PCDHA7: variants seen among roughly 807,000 people sequenced by gnomAD.
The protein encoded by PCDHA7 is protocadherin alpha 7, also known as protocadherin alpha-7.
In PCDHA7, 37 loss-of-function variants were observed where a neutral mutation model predicts 57.2. The observed-to-expected ratio is 0.65, with a 90% CI of 0.50 to 0.85. The LOEUF is 0.85. PCDHA7 is among the 40% of genes least tolerant of loss of function. PCDHA7 has a pLI of 0.00. For synonymous variants in PCDHA7, 553 were observed against 558.8 expected, an observed-to-expected ratio of 0.99 and a Z score of 0.15; for missense variants, 1,188 against 1,241.8, an observed-to-expected ratio of 0.96 and a Z score of 0.65.
chr5:140,943,581 G>A (rs1022140100), intron 1 of PCDHA7, among the ~76,000 whole-genome samples: 1 of 152,168 alleles, frequency 6.6e-6, no homozygotes, highest in Non-Finnish European at 1.5e-5. Flanking sequence ...GTTGATCTGA[G>A]TGGGGCTGAA....
chr5:140,876,732 C>T, intron 1 of PCDHA7: 1 of 1,614,246 alleles, frequency 6.2e-7, no homozygotes, highest in South Asian at 1.1e-5. Context: ...GCGTGTCGGC[C>T]TATGAGCTGG....
intron 1 of PCDHA7, among the ~76,000 whole-genome samples, chr5:140,890,392 T>C (rs2062624449): frequency 6.6e-6 from 1 of 152,212 alleles, no homozygotes; most frequent in Admixed American, 6.5e-5. Flanking sequence ...TTAGATAATC[T>C]ATAAATTTTA....
At position 140,836,493 on chromosome 5, in the gene PCDHA7, A is replaced by G; in HGVS notation, c.2110A>G (p.Ile704Val). The G allele has an allele frequency of 6.2e-7, 1 of 1,613,850 alleles. No individual in the cohort carries two copies. The highest frequency in any genetic ancestry group is 8.5e-7 in the Non-Finnish European group (1 of 1,179,860). ...TGTCAACGTGTACCTGATCATCGCC[A>G]TCTGCGCGGTGTCCAGTCTGTTGGT... ...VDVNVYLIIA[I>V]CAVSSLLVLT... Residue 704 changes from isoleucine to valine, a missense_variant, in exon 1 of 4, where the codon ATC becomes GTC. Around this residue, in one of 3 missense-constraint regions of PCDHA7, gnomAD observed 892 missense variants for 788.5 expected, o/e 1.13. Transcript: ENST00000525929.
intron 1 of PCDHA7, among the ~76,000 whole-genome samples, chr5:140,902,664 A>G (rs2069638514): frequency 6.6e-6 from 1 of 152,128 alleles, no homozygotes. Context: ...CTGTCACCCA[A>G]GCAGTGTACA....
At chr5:140,857,560 G>T in intron 1 of PCDHA7, 1 of 1,596,914 alleles carries the variant, frequency 6.3e-7, no homozygotes, top group Non-Finnish European at 8.6e-7. Flanking sequence ...GCTCGCTGTC[G>T]AGCTACGTGT....
At chr5:140,941,317 CTCT>C (rs2093029316) in intron 1 of PCDHA7, among the ~76,000 whole-genome samples, 2 of 99,150 alleles carry the variant, frequency 2.0e-5, no homozygotes, top group Non-Finnish European at 4.2e-5. Flanking sequence ...TTTCTTCTTT[CTCT>C]TTTTTTTTTT....
rs1554168215 is a variant in PCDHA7, at chr5:140,876,039, T to A, written c.2355+39301T>A. 3 of 1,613,746 alleles carry A rather than the reference T, an allele frequency of 1.9e-6. No individual in the cohort carries two copies. Among genetic ancestry groups the A allele is most frequent in the South Asian group, 2.2e-5 (2 of 91,062 alleles). On this transcript the variant is annotated intron_variant, in intron 1 of 3. Transcript: ENST00000525929. ...AAATAAAAACAAAAAAAGATAAAAG[T>A]ATATTGCCTGAATTAGTTCTTCGGA...
Position 140,890,802 on chromosome 5 carries a change from A to G in PCDHA7, c.2355+54064A>G, listed in dbSNP as rs1401387956. On this transcript the variant is annotated intron_variant, in intron 1 of 3. Transcript: ENST00000525929. The stretch of plus-strand genomic sequence containing the variant: ...TAAGATATTAGTATTATTTTATACA[A>G]TCAACATTGTTTTAAATGTACTTAC... 5.3e-5 allele frequency among the ~76,000 whole-genome samples: 8 copies of G among 152,310 alleles called. 1 individual carries two copies. Among genetic ancestry groups the G allele is most frequent in the Admixed American group, 4.6e-4 (7 of 15,296 alleles).
At chr5:140,859,573 C>T (rs1254151950) in intron 1 of PCDHA7, 4 of 174,136 alleles carry the variant, frequency 2.3e-5, no homozygotes, top group African/African-American at 9.5e-5. Flanking sequence ...ATGAATTTGT[C>T]ATCTTGCCTA....
chr5:140,967,503 G>A (rs369053625), intron 1 of PCDHA7: 14 of 1,612,820 alleles, frequency 8.7e-6, no homozygotes, highest in African/African-American at 2.7e-5. Flanking sequence ...ATCTCTGTGC[G>A]TGTCCTGGAC....
intron 1 of PCDHA7, among the ~76,000 whole-genome samples, chr5:140,912,893 T>C (rs1346036777): frequency 6.6e-6 from 1 of 152,262 alleles, no homozygotes; most frequent in East Asian, 1.9e-4. Context: ...TCTGTTGATA[T>C]GATGTATCAT....
At chr5:140,858,469 C>T (rs782532416) in intron 1 of PCDHA7, 2 of 1,520,006 alleles carry the variant, frequency 1.3e-6, no homozygotes, top group African/African-American at 1.4e-5. Context: ...TCCTTTTGTG[C>T]TTTATGAATA....
intron 1 of PCDHA7, among the ~76,000 whole-genome samples, chr5:140,952,723 A>G (rs979234260): frequency 6.6e-6 from 1 of 152,168 alleles, no homozygotes; most frequent in Non-Finnish European, 1.5e-5. Flanking sequence ...AATTTTCTGT[A>G]CTAGTCTTTT....
At chr5:140,921,277 A>G (rs1554200163) in intron 1 of PCDHA7, among the ~76,000 whole-genome samples, 1 of 152,210 alleles carries the variant, frequency 6.6e-6, no homozygotes, top group Non-Finnish European at 1.5e-5. Flanking sequence ...ACTTACTTGA[A>G]AAAAACCTCA....
At chr5:140,850,268 G>T in intron 1 of PCDHA7, 1 of 1,594,774 alleles carries the variant, frequency 6.3e-7, no homozygotes, top group Non-Finnish European at 8.6e-7. Flanking sequence ...GCGTAGTGGT[G>T]GGGAAGGTGC....
intron 3 of PCDHA7, among the ~76,000 whole-genome samples, chr5:141,001,306 A>C (rs1554258083): frequency 6.6e-6 from 1 of 152,174 alleles, no homozygotes; most frequent in African/African-American, 2.4e-5. Context: ...CAGAGATATG[A>C]AATAATTTGC....
intron 1 of PCDHA7, chr5:140,876,942 G>C (rs370156477): frequency 6.2e-7 from 1 of 1,613,660 alleles, no homozygotes; most frequent in South Asian, 1.1e-5. Flanking sequence ...ACGCGCTGGT[G>C]TCCTACTCGC....
In PCDHA7 at chr5:140,834,395, G is replaced by C; in HGVS notation, c.12G>C (p.Pro4=). 6.3e-7 allele frequency: 1 copy of C among 1,598,712 alleles called. No homozygotes were observed. The highest frequency in any genetic ancestry group is 8.5e-7 in the Non-Finnish European group (1 of 1,171,512). The change falls in exon 1 of 4, where the codon CCG becomes CCC. Residue 4 remains proline (P), a synonymous_variant. Coordinates refer to ENST00000525929, the MANE Select transcript of PCDHA7 (RefSeq NM_018910.3). MVC[P]NGYDPGGRHL... ...GCCAATAATTTGAAATGGTGTGCCC[G>C]AATGGATACGACCCAGGGGGCCGAC...
chr5:140,966,382 G>A, intron 1 of PCDHA7: 1 of 403,884 alleles, frequency 2.5e-6, no homozygotes, highest in Non-Finnish European at 4.3e-6. Context: ...GTCCGGGTTC[G>A]CTGTCCGCCA....
Sources: gnomAD v4.1 joint callset for allele counts (sites outside exome capture counted in the v4.1 genomes callset) on GRCh38, gnomAD v4.1.1 for gene constraint, gnomAD v4.1.1 regional missense constraint, MANE v1.5 for transcripts, NCBI Gene and HGNC (gene_info 2026-07-23, HGNC 2026-07-21) for gene names.